The following PFDN2 variants were observed in gnomAD, a reference collection of about 807,000 sequenced individuals.
PFDN2 encodes prefoldin 2.
A neutral mutation model predicts 18.3 loss-of-function variants in PFDN2; 7 were observed. That is an observed-to-expected ratio of 0.38 (90% CI 0.22 to 0.72). The LOEUF is 0.72. Ranked by LOEUF, PFDN2 falls within the 30% of genes least tolerant of loss-of-function variation. The pLI, the probability that PFDN2 is intolerant of heterozygous loss-of-function variation, is 0.47. For missense variants in PFDN2, 181 were observed against 199.1 expected (o/e 0.91, Z 0.55); for synonymous variants, 76 against 75.0 (o/e 1.01, Z -0.07).
intron 1 of PFDN2, among the ~76,000 whole-genome samples, chr1:161,116,436 C>G (rs1290059979): frequency 6.7e-6 from 1 of 150,232 alleles, no homozygotes; most frequent in East Asian, 2.0e-4. Context: ...ATCTCTTGAA[C>G]CTGGGAGGCA....
At chr1:161,103,186 A>G (rs914101892) in intron 1 of PFDN2, among the ~76,000 whole-genome samples, 3 of 152,052 alleles carry the variant, frequency 2.0e-5, no homozygotes, top group African/African-American at 7.2e-5. Flanking sequence ...GAATCTCTCT[A>G]CAGGAATTGG....
chr1:161,105,794 T>C (rs932136546), intron 1 of PFDN2, among the ~76,000 whole-genome samples: 23 of 152,284 alleles, frequency 1.5e-4, no homozygotes, highest in Admixed American at 2.0e-4. Flanking sequence ...TCTTCAACAT[T>C]CTTGCTAATA....
chr1:161,108,445 G>A (rs11581052), intron 1 of PFDN2, among the ~76,000 whole-genome samples: 5 of 118,638 alleles, frequency 4.2e-5, no homozygotes, highest in Non-Finnish European at 8.2e-5. Context: ...GCACAAGACC[G>A]AAACTCCGTC....
chr1:161,101,822 C>G (rs1267224140), intron 3 of PFDN2, among the ~76,000 whole-genome samples: 2 of 152,222 alleles, frequency 1.3e-5, no homozygotes, highest in Non-Finnish European at 1.5e-5. Flanking sequence ...GAGGTGATCA[C>G]AGCTCACTGA....
At chr1:161,102,432 G>C in intron 1 of PFDN2, 57 bp from the exon 2 acceptor site, 2 of 1,341,234 alleles carry the variant, frequency 1.5e-6, no homozygotes, top group African/African-American at 1.4e-5. Context: ...AGAGGGTCCA[G>C]ATAGCACATA....
intron 1 of PFDN2, among the ~76,000 whole-genome samples, chr1:161,115,018 G>GGATATGATTTA (rs1252207855): frequency 6.6e-6 from 1 of 152,174 alleles, no homozygotes; most frequent in Non-Finnish European, 1.5e-5. Context: ...GTTATCCAAT[G>GGATATGATTTA]TCTGAAAATA....
At chr1:161,106,374 C>T (rs1435932176) in intron 1 of PFDN2, among the ~76,000 whole-genome samples, 3 of 152,192 alleles carry the variant, frequency 2.0e-5, no homozygotes, top group Non-Finnish European at 4.4e-5. Context: ...TAACTGTAGA[C>T]TATATGTAAA....
chr1:161,112,140 G>A (rs1378984256), intron 1 of PFDN2, among the ~76,000 whole-genome samples: 1 of 152,106 alleles, frequency 6.6e-6, no homozygotes, highest in African/African-American at 2.4e-5. Flanking sequence ...GAATGCATAA[G>A]TATTAATTAC....
chr1:161,110,071 T>C (rs1001498301), intron 1 of PFDN2, among the ~76,000 whole-genome samples: 4 of 132,334 alleles, frequency 3.0e-5, no homozygotes, highest in Non-Finnish European at 4.8e-5. Context: ...CAAAACAAAA[T>C]AGTGTGGGAT....
Position 161,102,340 on chromosome 1 carries a change from C to T in PFDN2, c.111G>A (p.Gln37=), listed in dbSNP as rs1170267154. 2 of 1,614,066 alleles carry T rather than the reference C, an allele frequency of 1.2e-6. No homozygotes were observed. The highest frequency in any genetic ancestry group is 1.7e-5 in the Admixed American group (1 of 59,992). The part of the protein sequence containing the change: ...IAGFNRLRQE[Q]RGLASKAAEL... ...CAGCTGCTTTGGATGCCAGGCCTCGCTGTTCCTGCCGAAGGCGGTTGAAGC... is the reference window on the plus strand; with the variant it reads ...CAGCTGCTTTGGATGCCAGGCCTCGTTGTTCCTGCCGAAGGCGGTTGAAGC... The change falls in exon 2 of 4, where the codon CAG becomes CAA. Residue 37 remains glutamine (Q), a synonymous_variant. Coordinates refer to ENST00000368010, the MANE Select transcript of PFDN2 (RefSeq NM_012394.4).
At chr1:161,102,261 T>C (rs1349125629) in intron 2 of PFDN2, 26 bp downstream of exon 2, 1 of 1,612,990 alleles carries the variant, frequency 6.2e-7, no homozygotes, top group Admixed American at 1.7e-5. Context: ...ACTGTCCTAC[T>C]GTTTGCCTCT....
intron 1 of PFDN2, among the ~76,000 whole-genome samples, chr1:161,107,296 A>G (rs1048959662): frequency 1.3e-5 from 2 of 151,922 alleles, no homozygotes; most frequent in African/African-American, 2.4e-5. Flanking sequence ...GTGGTGGCAC[A>G]TGCCTGTAGT....
chr1:161,114,766 C>A (rs1219932484), intron 1 of PFDN2, among the ~76,000 whole-genome samples: 1 of 151,982 alleles, frequency 6.6e-6, no homozygotes, highest in Non-Finnish European at 1.5e-5. Context: ...TAGGTCTGAC[C>A]CTAGTGCATA....
chr1:161,108,909 T>G (rs1237745784), intron 1 of PFDN2, among the ~76,000 whole-genome samples: 1 of 152,214 alleles, frequency 6.6e-6, no homozygotes, highest in Non-Finnish European at 1.5e-5. Context: ...TAATTACATG[T>G]GTACTACTTA....
intron 1 of PFDN2, among the ~76,000 whole-genome samples, chr1:161,115,016 A>ATC (rs1481600165): frequency 6.6e-6 from 1 of 152,218 alleles, no homozygotes; most frequent in Non-Finnish European, 1.5e-5. Context: ...GAGTTATCCA[A>ATC]TGTCTGAAAA....
At chr1:161,101,704 T>C (rs970097614) in intron 3 of PFDN2, among the ~76,000 whole-genome samples, 1 of 152,192 alleles carries the variant, frequency 6.6e-6, no homozygotes, top group African/African-American at 2.4e-5. Flanking sequence ...GCAATTCCTC[T>C]TGTCTAAGAG....
Position 161,102,274 on chromosome 1 carries a change from C to T in PFDN2, c.164+13G>A. The T allele has an allele frequency of 1.9e-6, 3 of 1,613,700 alleles. No individual in the cohort carries two copies. Among genetic ancestry groups the T allele is most frequent in the Non-Finnish European group, 2.5e-6 (3 of 1,179,562 alleles). On this transcript the variant is annotated intron_variant, in intron 2 of 3. Transcript: ENST00000368010. ...CAACTGTCCTACTGTTTGCCTCTCC[C>T]TGACTTTCTCACCTGTGCTCATTCA...
intron 1 of PFDN2, among the ~76,000 whole-genome samples, chr1:161,104,492 G>C (rs1289531318): frequency 6.7e-6 from 1 of 149,460 alleles, no homozygotes; most frequent in Non-Finnish European, 1.5e-5. Flanking sequence ...CACCCAGGCT[G>C]GAGTGCAGTG....
At chr1:161,101,916 A>G (rs1402241543) in intron 3 of PFDN2, 132 bp downstream of exon 3, 10 of 805,820 alleles carry the variant, frequency 1.2e-5, no homozygotes, top group Non-Finnish European at 2.0e-5. Flanking sequence ...TATTTTTTGT[A>G]GTGATATGGT....
Sources: allele counts gnomAD v4.1 joint callset (sites outside exome capture counted in the v4.1 genomes callset), GRCh38; gene constraint gnomAD v4.1.1; transcripts MANE v1.5; gene names NCBI Gene and HGNC (gene_info 2026-07-23, HGNC 2026-07-21).